The following TPM1 variants were observed in gnomAD, a reference collection of about 807,000 sequenced individuals.
TPM1 encodes tropomyosin 1, also known as tropomyosin alpha-1 chain.
TPM1 carries 24 observed loss-of-function variants against 42.9 expected under a neutral mutation model. The ratio of observed to expected loss-of-function variants is 0.56; its 90% CI spans 0.41 to 0.79. The LOEUF (loss-of-function observed/expected upper bound fraction) is 0.79. TPM1 is among the 30% of genes least tolerant of loss of function. The probability of loss-of-function intolerance (pLI) is 0.00; values close to 1 mark genes in which losing one functional copy is unlikely to be tolerated. For missense variants in TPM1, 158 were observed against 351.8 expected (o/e 0.45, Z 4.41); for synonymous variants, 136 against 130.1 (o/e 1.05, Z -0.31).
At chr15:63,062,072 A>C in intron 6 of TPM1, 143 bp from the exon 7 acceptor site, 1 of 764,634 alleles carries the variant, frequency 1.3e-6, no homozygotes, top group Non-Finnish European at 2.3e-6. Context: ...AATGTATTGC[A>C]GTGTGCCATT....
chr15:63,071,317 A>G (rs2036599163), exon 9 of TPM1: 3 of 931,722 alleles, frequency 3.2e-6, no homozygotes, highest in African/African-American at 3.3e-5. Context: ...GGGTGGGGAA[A>G]ACACATACAA....
intron 8 of TPM1, chr15:63,063,164 C>G: frequency 2.0e-6 from 2 of 985,120 alleles, no homozygotes; most frequent in Non-Finnish European, 1.2e-6. Context: ...CCCTAAGGCA[C>G]TTAGGTTTTA....
At chr15:63,043,732 G>C (rs1042261478) in intron 1 of TPM1, 5 of 1,548,820 alleles carry the variant, frequency 3.2e-6, no homozygotes, top group Non-Finnish European at 4.4e-6. Flanking sequence ...CGGCCAAGGA[G>C]AAGTTGCTGC....
At position 63,044,085 on chromosome 15, in the gene TPM1, A is replaced by G; in HGVS notation, c.173A>G (p.Asp58Gly). The G allele has an allele frequency of 6.2e-7, 1 of 1,614,176 alleles. No homozygotes were observed. The highest frequency in any genetic ancestry group is 8.5e-7 in the Non-Finnish European group (1 of 1,180,030). ...CTCAAGGGCACCGAAGATGAACTGG[A>G]CAAATACTCTGAGGCTCTCAAAGAT... Reference protein sequence around the residue: ...KKLKGTEDELDKYSEALKDAQ... With the variant: ...KKLKGTEDELGKYSEALKDAQ... Residue 58 changes from aspartate (D) to glycine (G), a missense_variant, in exon 2 of 10, where the codon GAC (aspartate) becomes GGC (glycine). Asp to Gly is a moderately conservative substitution (Grantham distance 94). Transcript: ENST00000403994.
At chr15:63,053,882 A>G (rs1345872788) in intron 2 of TPM1, among the ~76,000 whole-genome samples, 1 of 151,664 alleles carries the variant, frequency 6.6e-6, no homozygotes, top group Non-Finnish European at 1.5e-5. Context: ...GGGTTTCACC[A>G]TGTTGGTCAG....
At chr15:63,048,419 G>A in intron 2 of TPM1, 3 of 1,355,448 alleles carry the variant, frequency 2.2e-6, no homozygotes, top group South Asian at 1.7e-5. Flanking sequence ...GCGACTTCCG[G>A]ACTGCTCCTG....
At chr15:63,048,869 A>G in intron 2 of TPM1, 1 of 914,658 alleles carries the variant, frequency 1.1e-6, no homozygotes, top group Non-Finnish European at 1.7e-6. Context: ...GGCTCTGGGG[A>G]GGGGCCCGGC....
chr15:63,064,522 A>T (rs16946416), intron 9 of TPM1: 207,499 of 1,090,396 alleles, frequency 0.19, 20,429 homozygotes, highest in Middle Eastern at 0.29. Flanking sequence ...CTGAAATTCA[A>T]CTAAGTACAA....
At chr15:63,057,252 G>C (rs2034952466) in intron 3 of TPM1, 134 bp downstream of exon 3, 7 of 1,254,352 alleles carry the variant, frequency 5.6e-6, no homozygotes, top group Non-Finnish European at 7.9e-6. Context: ...TTGATCCCAG[G>C]TATAACTCGG....
intron 2 of TPM1, among the ~76,000 whole-genome samples, chr15:63,050,333 C>CG (rs1193568898): frequency 2.0e-5 from 3 of 152,032 alleles, no homozygotes; most frequent in Admixed American, 1.3e-4. Context: ...AGGAAGTGGG[C>CG]GGGCTGGTAG....
intron 2 of TPM1, among the ~76,000 whole-genome samples, chr15:63,051,920 T>C (rs1221728138): frequency 6.6e-6 from 1 of 150,734 alleles, no homozygotes; most frequent in Non-Finnish European, 1.5e-5. Flanking sequence ...TCAAATCTGA[T>C]TTGGGATAAT....
chr15:63,056,990 A>G lies in TPM1; in HGVS notation c.246A>G (p.Glu82=). Residue 82 remains glutamate (E), a synonymous_variant, in exon 3 of 10, where the codon GAA becomes GAG. Coordinates refer to ENST00000403994, the MANE Select transcript of TPM1 (RefSeq NM_001018005.2). ...ELAEKKATDA[E]ADVASLNRRI... ...GCTTTTCACTCTCTACCTAGGCTGA[A>G]GCCGACGTAGCTTCTCTGAACAGAC... 6.2e-7 allele frequency: 1 copy of G among 1,614,218 alleles called. No individual in the cohort carries two copies. Among genetic ancestry groups the G allele is most frequent in the Non-Finnish European group, 8.5e-7 (1 of 1,180,034 alleles).
intron 2 of TPM1, chr15:63,056,524 G>A (rs1169494298): frequency 1.9e-5 from 4 of 206,184 alleles, no homozygotes; most frequent in Non-Finnish European, 3.0e-5. Context: ...AAAATTAGCC[G>A]GGCGTTGTGG....
In TPM1 at chr15:63,042,751, G is replaced by T. The variant is rs2031404245; in HGVS notation, c.-79G>T. The T allele has an allele frequency of 7.7e-6, 9 of 1,176,030 alleles. No individual in the cohort carries two copies. The South Asian group carries it at 8.9e-5, about 12-fold the overall frequency. 72.8% of individuals were successfully genotyped at this position (1,176,030 alleles called of 1,614,324 possible). A position where few individuals can be genotyped will look rare whatever the true frequency, so the allele number is the denominator to read the frequency against. On this transcript the variant is annotated 5_prime_UTR_variant, in exon 1 of 10. Transcript: ENST00000403994. ...GGGAGAAGCAGGCGGCTCCGCGCTC[G>T]CACTCCCGCTCCTCCGCCCGACCGC...
intron 3 of TPM1, among the ~76,000 whole-genome samples, chr15:63,059,053 C>CTTTA (rs1223151207): frequency 6.6e-5 from 10 of 152,180 alleles, no homozygotes; most frequent in Admixed American, 2.0e-4. Context: ...TCTTTGTGGA[C>CTTTA]TTAATAGTTT....
At position 63,059,599 on chromosome 15, in the gene TPM1, T is replaced by G; in HGVS notation, c.411T>G (p.Asp137Glu). Residue 137 changes from aspartate (D) to glutamate (E), a missense_variant, in exon 4 of 10, where the codon GAT becomes GAG. Coordinates refer to ENST00000403994, the MANE Select transcript of TPM1 (RefSeq NM_001018005.2). Reference protein sequence around the residue: ...MKVIESRAQKDEEKMEIQEIQ... With the variant: ...MKVIESRAQKEEEKMEIQEIQ... ...TCATTGAGAGTCGAGCCCAAAAAGATGAAGAAAAAATGGAAATTCAGGAGA... is the reference window on the plus strand; with the variant it reads ...TCATTGAGAGTCGAGCCCAAAAAGAGGAAGAAAAAATGGAAATTCAGGAGA... 1 of 1,611,514 alleles carries G rather than the reference T, an allele frequency of 6.2e-7. No homozygotes were observed. Among genetic ancestry groups the G allele is most frequent in the Non-Finnish European group, 8.5e-7 (1 of 1,178,460 alleles).
At chr15:63,063,124 G>A in intron 8 of TPM1, 2 of 980,234 alleles carry the variant, frequency 2.0e-6, no homozygotes, top group Non-Finnish European at 2.4e-6. Flanking sequence ...TCCTGAAGGA[G>A]GAGGGAAAAA....
chr15:63,062,168 T>C, intron 6 of TPM1, 47 bp from the exon 7 acceptor site: 1 of 1,558,134 alleles, frequency 6.4e-7, no homozygotes, highest in Non-Finnish European at 8.9e-7. Flanking sequence ...AAGCCATGAG[T>C]AGATTGAGCT....
intron 2 of TPM1, chr15:63,047,608 A>C (rs542595035): frequency 6.6e-6 from 1 of 152,502 alleles, no homozygotes; most frequent in East Asian, 1.9e-4. Context: ...TGTAAAGAGA[A>C]GAGACCATTT....
Sources: allele counts gnomAD v4.1 joint callset (sites outside exome capture counted in the v4.1 genomes callset), GRCh38; gene constraint gnomAD v4.1.1; transcripts MANE v1.5; gene names NCBI Gene and HGNC (gene_info 2026-07-23, HGNC 2026-07-21).